ARMH4: variants seen among roughly 807,000 people sequenced by gnomAD.
ARMH4 encodes armadillo like helical domain containing 4.
A neutral mutation model predicts 61.9 loss-of-function variants in ARMH4; 49 were observed. That is an observed-to-expected ratio of 0.79 (90% CI 0.63 to 1.00). The LOEUF (loss-of-function observed/expected upper bound fraction) is 1.00. Ranked by LOEUF, ARMH4 falls within the 50% of genes least tolerant of loss-of-function variation. The probability of loss-of-function intolerance (pLI) is 0.00; values close to 1 mark genes in which losing one functional copy is unlikely to be tolerated. For synonymous variants in ARMH4, 368 were observed against 341.5 expected, an observed-to-expected ratio of 1.08 and a Z score of -0.85; for missense variants, 934 against 930.0, an observed-to-expected ratio of 1.00 and a Z score of -0.06.
chr14:58,135,585 A>G (rs1287627935), intron 2 of ARMH4, among the ~76,000 whole-genome samples: 1 of 152,144 alleles, frequency 6.6e-6, no homozygotes, highest in African/African-American at 2.4e-5. Context: ...AAATTTTTTA[A>G]AATAAACTTT....
At chr14:58,018,901 GT>G (rs56348778) in intron 5 of ARMH4, among the ~76,000 whole-genome samples, 80,790 of 151,886 alleles carry the variant, frequency 0.53, 21,655 homozygotes, top group East Asian at 0.67. Flanking sequence ...AGAAAATGTG[GT>G]TACTGTATAT....
Position 58,097,334 on chromosome 14 carries a change from T to G in ARMH4, c.1832-353A>C, listed in dbSNP as rs552279421. On this transcript the variant is annotated intron_variant, in intron 4 of 7. Coordinates refer to ENST00000267485, the MANE Select transcript of ARMH4 (RefSeq NM_001001872.4). ...ATTAAAAGTTTATCAGTTAGCACAC[T>G]GTGAAATACTAACAGAACTTAAAAG... is the stretch of plus-strand genomic sequence containing the variant. 2.6e-5 allele frequency among the ~76,000 whole-genome samples: 4 copies of G among 152,362 alleles called. No homozygotes were observed. In the South Asian group the frequency reaches 6.2e-4, roughly 24 times the overall value.
rs1161059001 is a variant in ARMH4 at position 58,139,086 on chromosome 14, C to T, written c.273G>A (p.Ser91=). 6 of 1,614,212 alleles carry T rather than the reference C, an allele frequency of 3.7e-6. No homozygotes were observed. Among genetic ancestry groups the T allele is most frequent in the Admixed American group, 3.3e-5 (2 of 60,022 alleles). Residue 91 remains serine, a synonymous_variant, in exon 2 of 8, where the codon TCG becomes TCA. Coordinates refer to ENST00000267485, the MANE Select transcript of ARMH4 (RefSeq NM_001001872.4). ...GTCCAGGCTGGGTTTCTTTGTTAAT[C>T]GAGAATGCTTTATTTAATGATGTTG... The part of the protein sequence containing the change: ...PSATSLNKAF[S]INKETQPGQA...
intron 5 of ARMH4, among the ~76,000 whole-genome samples, chr14:58,048,022 G>A (rs982907712): frequency 6.6e-6 from 1 of 152,158 alleles, no homozygotes; most frequent in East Asian, 1.9e-4. Flanking sequence ...GAAAATGCCT[G>A]CAGCCTTGGG....
At chr14:58,043,868 G>A (rs1027966919) in intron 5 of ARMH4, among the ~76,000 whole-genome samples, 1 of 152,178 alleles carries the variant, frequency 6.6e-6, no homozygotes, top group African/African-American at 2.4e-5. Flanking sequence ...GCTTCAAAGA[G>A]AATGAAATAC....
intron 5 of ARMH4, among the ~76,000 whole-genome samples, chr14:58,089,401 GAA>G (rs1201622388): frequency 1.3e-5 from 2 of 152,214 alleles, no homozygotes; most frequent in African/African-American, 4.8e-5. Context: ...AGGAGGAAGA[GAA>G]GAGAGTGCTG....
At chr14:58,069,219 A>T (rs1445376774) in intron 5 of ARMH4, among the ~76,000 whole-genome samples, 2 of 152,212 alleles carry the variant, frequency 1.3e-5, no homozygotes, top group Non-Finnish European at 2.9e-5. Flanking sequence ...AAACATTGTG[A>T]TATCCACTTC....
At chr14:58,114,153 G>A (rs1454875511) in intron 4 of ARMH4, among the ~76,000 whole-genome samples, 1 of 151,870 alleles carries the variant, frequency 6.6e-6, no homozygotes, top group Non-Finnish European at 1.5e-5. Flanking sequence ...GAAACCTATG[G>A]GACTCTATTG....
intron 5 of ARMH4, among the ~76,000 whole-genome samples, chr14:58,053,268 A>G (rs1950288): frequency 0.054 from 8,161 of 152,284 alleles, 243 homozygotes; most frequent in African/African-American, 0.081. Context: ...CATATGTGCT[A>G]TTCTATCCTA....
At chr14:58,113,177 C>T (rs761749881) in intron 4 of ARMH4, among the ~76,000 whole-genome samples, 3 of 152,242 alleles carry the variant, frequency 2.0e-5, no homozygotes, top group East Asian at 1.9e-4. Context: ...TCTAACACCA[C>T]GGATTAGGTT....
Position 58,139,328 on chromosome 14 carries a change from G to A in ARMH4, c.31C>T (p.Leu11=). The A allele has an allele frequency of 6.2e-7, 1 of 1,614,166 alleles. No homozygotes were observed. Among genetic ancestry groups the A allele is most frequent in the Non-Finnish European group, 8.5e-7 (1 of 1,180,034 alleles). Reference sequence around the variant, plus strand: ...AAAAGCAGAAGGCTACAGAAAGCCAGACAAATGTGCAATACAATCGGTCCT... The same window carrying A: ...AAAAGCAGAAGGCTACAGAAAGCCAAACAAATGTGCAATACAATCGGTCCT... The part of the protein sequence containing the change: MRGPIVLHIC[L]AFCSLLLFSV... The change falls in exon 2 of 8, where the codon CTG becomes TTG. Residue 11 remains leucine (L), a synonymous_variant. Transcript: ENST00000267485.
intron 5 of ARMH4, among the ~76,000 whole-genome samples, chr14:58,072,216 G>A (rs573446861): frequency 6.6e-6 from 1 of 152,252 alleles, no homozygotes; most frequent in South Asian, 2.1e-4. Flanking sequence ...GGAAGTATTC[G>A]TTGAATGAAT....
intron 5 of ARMH4, among the ~76,000 whole-genome samples, chr14:58,034,536 C>A (rs1883401196): frequency 1.7e-5 from 2 of 115,216 alleles, no homozygotes; most frequent in Non-Finnish European, 1.9e-5. Context: ...ATGACAGGAT[C>A]AAATTCACAC....
chr14:58,054,383 G>A (rs756007821), intron 5 of ARMH4, among the ~76,000 whole-genome samples: 2 of 152,222 alleles, frequency 1.3e-5, no homozygotes, highest in Non-Finnish European at 2.9e-5. Context: ...AGGCTTTGAA[G>A]TCATACTGAA....
At chr14:58,146,953 G>C (rs935307033) in intron 1 of ARMH4, among the ~76,000 whole-genome samples, 11 of 152,222 alleles carry the variant, frequency 7.2e-5, no homozygotes, top group African/African-American at 2.7e-4. Flanking sequence ...GGGCTGTAGA[G>C]TGTGCCAAGA....
intron 5 of ARMH4, among the ~76,000 whole-genome samples, chr14:58,070,054 T>C (rs143183120): frequency 7.2e-4 from 110 of 152,218 alleles, no homozygotes; most frequent in Admixed American, 2.1e-3. Context: ...GAAGGGTAAA[T>C]TGAACAGTCA....
In ARMH4 at chr14:58,133,157, C is replaced by T; in HGVS notation, c.1554G>A (p.Glu518=). ...PGVTQLSRRW[E]PLATTISTTV... ...TAGTTGAAATTGTAGTGGCCAGAGG[C>T]TCCCATCTTCTTGACAGCTGAGTAA... The change falls in exon 3 of 8, where the codon GAG becomes GAA. Residue 518 remains glutamate (E), a synonymous_variant. Transcript: ENST00000267485. 3.7e-6 allele frequency: 6 copies of T among 1,614,162 alleles called. No individual in the cohort carries two copies. Among genetic ancestry groups the T allele is most frequent in the Non-Finnish European group, 5.1e-6 (6 of 1,180,028 alleles).
chr14:58,006,621 A>G (rs1882178973), intron 6 of ARMH4, among the ~76,000 whole-genome samples: 1 of 152,162 alleles, frequency 6.6e-6, no homozygotes, highest in African/African-American at 2.4e-5. Flanking sequence ...TCCTCAGCAT[A>G]CTAAGTATTT....
At chr14:58,030,573 C>T (rs931091296) in intron 5 of ARMH4, among the ~76,000 whole-genome samples, 6 of 152,214 alleles carry the variant, frequency 3.9e-5, no homozygotes, top group African/African-American at 1.4e-4. Context: ...ATCTCCAGAA[C>T]TTCCCATCAA....
Sources: allele counts gnomAD v4.1 joint callset (sites outside exome capture counted in the v4.1 genomes callset), GRCh38; gene constraint gnomAD v4.1.1; transcripts MANE v1.5; gene names NCBI Gene and HGNC (gene_info 2026-07-23, HGNC 2026-07-21).